CTNNA1: variants seen among roughly 807,000 people sequenced by gnomAD.
CTNNA1 encodes the protein catenin alpha 1.
A neutral mutation model predicts 98.4 loss-of-function variants in CTNNA1; 37 were observed. The observed-to-expected ratio is 0.38, with a 90% CI of 0.29 to 0.49. The LOEUF is 0.49. Among genes scored for constraint, CTNNA1 ranks in the 20% least tolerant of loss-of-function variants. The probability of loss-of-function intolerance (pLI) is 0.95; values close to 1 mark genes in which losing one functional copy is unlikely to be tolerated. For missense variants in CTNNA1, 761 were observed against 1,147.2 expected (o/e 0.66, Z 4.86); for synonymous variants, 404 against 413.2 (o/e 0.98, Z 0.27).
chr5:138,874,897 C>G lies in CTNNA1; in HGVS notation c.1063-11315C>G. 6 of 1,612,592 alleles carry G rather than the reference C, an allele frequency of 3.7e-6. No individual in the cohort carries two copies. Among genetic ancestry groups the G allele is most frequent in the Non-Finnish European group, 4.2e-6 (5 of 1,179,080 alleles). On this transcript the variant is annotated intron_variant, in intron 7 of 17. Transcript: ENST00000302763. The surrounding 1 kb of genome is among the most constrained non-coding windows in gnomAD (Gnocchi z 4.1). Reference sequence around the variant, plus strand: ...GTTGAATGTACAAGACATATAAATGCACAGACTTACCCATTCTTCTGAGCA... The same window carrying G: ...GTTGAATGTACAAGACATATAAATGGACAGACTTACCCATTCTTCTGAGCA...
Position 138,810,149 on chromosome 5 carries a change from T to A in CTNNA1, c.413T>A (p.Leu138Ter). 6.2e-7 allele frequency: 1 copy of A among 1,614,188 alleles called. No individual in the cohort carries two copies. Among genetic ancestry groups the A allele is most frequent in the Non-Finnish European group, 8.5e-7 (1 of 1,180,034 alleles). Residue 138 changes from leucine (L) to a stop codon, truncating the protein, a stop_gained, in exon 4 of 18, where the codon TTG becomes TAG. Coordinates refer to ENST00000302763, the MANE Select transcript of CTNNA1 (RefSeq NM_001903.5). LOFTEE classifies it high-confidence loss of function. Reference sequence around the variant, plus strand: ...GCTTTGCTCTCTGCTGTTACCCGGTTGCTGATTTTGGCTGACATGGCAGAT... The same window carrying A: ...GCTTTGCTCTCTGCTGTTACCCGGTAGCTGATTTTGGCTGACATGGCAGAT... ...ARALLSAVTR[L>*]LILADMADVY...
intron 7 of CTNNA1, among the ~76,000 whole-genome samples, chr5:138,839,551 G>A (rs751294620): frequency 1.3e-5 from 2 of 152,170 alleles, no homozygotes; most frequent in Non-Finnish European, 2.9e-5. Context: ...GATCTAGTTG[G>A]TTGATGGCAT....
In CTNNA1 at chr5:138,827,531, A is replaced by G; in HGVS notation, c.875A>G (p.Asp292Gly). The G allele has an allele frequency of 6.2e-7, 1 of 1,614,164 alleles. No individual in the cohort carries two copies. The highest frequency in any genetic ancestry group is 8.5e-7 in the Non-Finnish European group (1 of 1,180,028). ...TCTCTGCAGAAACAAATCATTGTGG[A>G]CCCCTTGAGCTTCAGCGAGGAGCGC... ...LNNFDKQIIVDPLSFSEERFR... is the reference protein window; with the variant it reads ...LNNFDKQIIVGPLSFSEERFR... The change falls in exon 7 of 18, where the codon GAC becomes GGC. Residue 292 changes from aspartate to glycine, a missense_variant. Coordinates refer to ENST00000302763, the MANE Select transcript of CTNNA1 (RefSeq NM_001903.5).
chr5:138,913,878 G>T (rs1416873726), intron 10 of CTNNA1, among the ~76,000 whole-genome samples: 2 of 151,950 alleles, frequency 1.3e-5, no homozygotes, highest in African/African-American at 4.8e-5. Context: ...TTAAAGACAG[G>T]GTCTCATGGT....
intron 1 of CTNNA1, among the ~76,000 whole-genome samples, chr5:138,780,224 T>C (rs1754907637): frequency 6.6e-6 from 1 of 151,936 alleles, no homozygotes; most frequent in Non-Finnish European, 1.5e-5. Flanking sequence ...GGAGTCTTGC[T>C]CTTTCGCCCA....
Position 138,874,818 on chromosome 5 carries a change from G to T in CTNNA1, c.1063-11394G>T. 2.4e-6 allele frequency: 3 copies of T among 1,262,574 alleles called. No homozygotes were observed. Among genetic ancestry groups the T allele is most frequent in the South Asian group, 1.3e-5 (1 of 78,608 alleles). 78.2% of individuals were successfully genotyped at this position (1,262,574 alleles called of 1,614,324 possible). A position where few individuals can be genotyped will look rare whatever the true frequency, so the allele number is the denominator to read the frequency against. Reference sequence around the variant, plus strand: ...ACCTCAAAATCCAAAATATGATGGTGATTTCCCTCATAAAATGTGAATTCG... The same window carrying T: ...ACCTCAAAATCCAAAATATGATGGTTATTTCCCTCATAAAATGTGAATTCG... On this transcript the variant is annotated intron_variant, in intron 7 of 17. Transcript: ENST00000302763. This position sits in a 1 kb window ranked among gnomAD's most constrained non-coding sequence, Gnocchi z 4.1.
rs545793190 is a variant in CTNNA1, at chr5:138,863,015, A to G, written c.1063-23197A>G. On this transcript the variant is annotated intron_variant, in intron 7 of 17. Coordinates refer to ENST00000302763, the MANE Select transcript of CTNNA1 (RefSeq NM_001903.5). ...AAATCCCCCTGTGGTTGTTACTGCT[A>G]TTAATTCTGTTTTACAGGTCAAAGG... Among the ~76,000 whole-genome samples the G allele has an allele frequency of 1.8e-4, 28 of 152,222 alleles. No homozygotes were observed. In the South Asian group the frequency reaches 2.1e-3, roughly 11 times the overall value.
At chr5:138,905,799 G>A (rs1759117601) in intron 10 of CTNNA1, among the ~76,000 whole-genome samples, 1 of 152,186 alleles carries the variant, frequency 6.6e-6, no homozygotes, top group Non-Finnish European at 1.5e-5. Flanking sequence ...GAGTATAAGT[G>A]ATGATTCAGT....
chr5:138,852,070 C>CA (rs1323928286), intron 7 of CTNNA1, among the ~76,000 whole-genome samples: 39 of 151,838 alleles, frequency 2.6e-4, no homozygotes, highest in East Asian at 1.9e-4. Flanking sequence ...AGCTCCATCT[C>CA]AAAAAAATAA....
chr5:138,764,533 A>G (rs1035283900), intron 1 of CTNNA1, among the ~76,000 whole-genome samples: 2 of 151,636 alleles, frequency 1.3e-5, no homozygotes, highest in Non-Finnish European at 2.9e-5. Context: ...GTGCAGTGGC[A>G]TGATCTCAGT....
intron 7 of CTNNA1, among the ~76,000 whole-genome samples, chr5:138,867,012 A>C (rs144259226): frequency 4.7e-4 from 72 of 152,352 alleles, no homozygotes; most frequent in African/African-American, 1.7e-3. Flanking sequence ...CATATAGACA[A>C]AATTAATTAA....
intron 1 of CTNNA1, among the ~76,000 whole-genome samples, chr5:138,761,303 C>T (rs1030197417): frequency 4.6e-5 from 7 of 152,078 alleles, no homozygotes; most frequent in African/African-American, 1.7e-4. Context: ...GGCATGATCT[C>T]GGCTCACTGC....
chr5:138,834,644 T>C lies in CTNNA1; in HGVS notation c.1062+6926T>C, dbSNP rs1178412472. On this transcript the variant is annotated intron_variant, in intron 7 of 17. Transcript: ENST00000302763. ...ATAACATCTTAATGGTGGCAGAGTT[T>C]TCCATTAAAATTAAATACCCCCAGA... Among the ~76,000 whole-genome samples the C allele has an allele frequency of 2.0e-5, 3 of 152,206 alleles. No individual in the cohort carries two copies. In the East Asian group the frequency reaches 5.8e-4, roughly 29 times the overall value.
intron 7 of CTNNA1, among the ~76,000 whole-genome samples, chr5:138,841,848 C>T (rs1561582477): frequency 6.6e-6 from 1 of 152,188 alleles, no homozygotes; most frequent in African/African-American, 2.4e-5. Context: ...AAGTTGAATA[C>T]AGTGTGACAT....
chr5:138,781,700 G>C (rs1384217848), intron 1 of CTNNA1, among the ~76,000 whole-genome samples: 1 of 152,194 alleles, frequency 6.6e-6, no homozygotes, highest in Non-Finnish European at 1.5e-5. Context: ...GTGTGTTTGG[G>C]AATGCCCTCT....
At chr5:138,932,083 G>T in intron 16 of CTNNA1, 1 of 986,116 alleles carries the variant, frequency 1.0e-6, no homozygotes, top group Non-Finnish European at 1.2e-6. Flanking sequence ...TCAGCCTGCA[G>T]TGAGTGGCTT....
At chr5:138,852,861 G>GCACGCGCGCACGCGCACACACACA (rs1763343970) in intron 7 of CTNNA1, among the ~76,000 whole-genome samples, 2 of 146,074 alleles carry the variant, frequency 1.4e-5, no homozygotes, top group African/African-American at 2.5e-5. Flanking sequence ...CCCTCTTTTC[G>GCACGCGCGCACGCGCACACACACA]CGCGCGCGCG....
intron 5 of CTNNA1, among the ~76,000 whole-genome samples, chr5:138,814,784 C>A (rs1032534848): frequency 2.0e-5 from 3 of 151,596 alleles, no homozygotes; most frequent in Non-Finnish European, 2.9e-5. Flanking sequence ...GGTGGACTCA[C>A]ATTCTGTCGC....
At chr5:138,900,268 G>A (rs1757755922) in intron 9 of CTNNA1, among the ~76,000 whole-genome samples, 1 of 152,220 alleles carries the variant, frequency 6.6e-6, no homozygotes, top group Non-Finnish European at 1.5e-5. Flanking sequence ...TGAATGTTTT[G>A]AACTCTGTTC....
Sources: allele counts gnomAD v4.1 joint callset (sites outside exome capture counted in the v4.1 genomes callset), GRCh38; gene constraint gnomAD v4.1.1; non-coding constraint Gnocchi (gnomAD v3.1); transcripts MANE v1.5; gene names NCBI Gene and HGNC (gene_info 2026-07-23, HGNC 2026-07-21).